The following WDFY2 variants were observed in gnomAD, a reference collection of about 807,000 sequenced individuals.
WDFY2 encodes WD repeat and FYVE domain-containing protein 2.
Under a neutral mutation model 56.4 loss-of-function variants are expected in WDFY2, and 36 were observed. That is an observed-to-expected ratio of 0.64 (90% CI 0.49 to 0.84). The LOEUF (loss-of-function observed/expected upper bound fraction) is 0.84. Among genes scored for constraint, WDFY2 ranks in the 40% least tolerant of loss-of-function variants. The probability of loss-of-function intolerance (pLI) is 0.00; values close to 1 mark genes in which losing one functional copy is unlikely to be tolerated. For missense variants in WDFY2, 444 were observed against 512.2 expected (o/e 0.87, Z 1.29); for synonymous variants, 176 against 183.7 (o/e 0.96, Z 0.34).
chr13:51,653,674 CA>C lies in WDFY2; in HGVS notation c.138-6921del, dbSNP rs553451669. 7.5e-3 allele frequency among the ~76,000 whole-genome samples: 1,139 copies of C among 152,340 alleles called. 10 individuals are homozygous for C. The highest frequency in any genetic ancestry group is 0.026 in the African/African-American group (1,097 of 41,576). ...GTTGGAGTTTGCCAGAGGTCCACTC[CA>C]GACCCTGTTTGCCTGGGTATCAGCA... is the stretch of plus-strand genomic sequence containing the variant. On this transcript the variant is annotated intron_variant, in intron 1 of 11. Transcript: ENST00000298125.
At chr13:51,728,581 A>G (rs1177841134) in intron 6 of WDFY2, among the ~76,000 whole-genome samples, 1 of 152,200 alleles carries the variant, frequency 6.6e-6, no homozygotes, top group African/African-American at 2.4e-5. Flanking sequence ...TAGATGTCAT[A>G]TAAGAAAAAA....
chr13:51,600,597 A>G (rs1566305459), intron 1 of WDFY2, among the ~76,000 whole-genome samples: 1 of 152,216 alleles, frequency 6.6e-6, no homozygotes, highest in Non-Finnish European at 1.5e-5. Flanking sequence ...TTCCTTGGGA[A>G]GGAACCTAGT....
At chr13:51,719,424 TG>T in intron 5 of WDFY2, 76 bp downstream of exon 5, 2 of 1,482,932 alleles carry the variant, frequency 1.3e-6, no homozygotes, top group Non-Finnish European at 9.0e-7. Flanking sequence ...TTTTGGGGTA[TG>T]TGCAGCTTGA....
At chr13:51,725,652 A>G (rs1348759163) in intron 5 of WDFY2, among the ~76,000 whole-genome samples, 2 of 151,628 alleles carry the variant, frequency 1.3e-5, no homozygotes, top group Non-Finnish European at 2.9e-5. Flanking sequence ...ATGTGTATGT[A>G]TATACATATG....
At chr13:51,689,828 T>A (rs1431153346) in intron 3 of WDFY2, among the ~76,000 whole-genome samples, 4 of 152,192 alleles carry the variant, frequency 2.6e-5, no homozygotes, top group Non-Finnish European at 5.9e-5. Context: ...AAATGAAGAT[T>A]AAGCAAAGCC....
At chr13:51,637,975 T>G (rs528928748) in intron 1 of WDFY2, among the ~76,000 whole-genome samples, 33 of 152,346 alleles carry the variant, frequency 2.2e-4, no homozygotes, top group African/African-American at 7.5e-4. Flanking sequence ...AATACCTAAC[T>G]TTCTGCGAAT....
intron 1 of WDFY2, among the ~76,000 whole-genome samples, chr13:51,650,579 A>G (rs1259498559): frequency 6.6e-6 from 1 of 152,202 alleles, no homozygotes; most frequent in African/African-American, 2.4e-5. Context: ...TTATTTTGAG[A>G]TACGTCCCAT....
intron 2 of WDFY2, among the ~76,000 whole-genome samples, chr13:51,665,471 C>T (rs1955683780): frequency 6.6e-6 from 1 of 152,174 alleles, no homozygotes; most frequent in Admixed American, 6.5e-5. Flanking sequence ...AGAGAAAAAT[C>T]ATGTAAAAAG....
At chr13:51,716,680 G>A (rs1349013674) in intron 4 of WDFY2, among the ~76,000 whole-genome samples, 8 of 116,436 alleles carry the variant, frequency 6.9e-5, no homozygotes, top group Admixed American at 1.1e-4. Context: ...GCGACAGAGC[G>A]AGACTCCGTC....
In WDFY2 at chr13:51,653,342, G is replaced by A. The variant is rs1955440896; in HGVS notation, c.138-7254G>A. Among the ~76,000 whole-genome samples the A allele has an allele frequency of 2.0e-5, 3 of 152,114 alleles. No individual in the cohort carries two copies. In the South Asian group the frequency reaches 6.2e-4, roughly 32 times the overall value. On this transcript the variant is annotated intron_variant, in intron 1 of 11. Transcript: ENST00000298125. The stretch of plus-strand genomic sequence containing the variant: ...TCAAGGTTTTTAACTTCTTTGCCAT[G>A]GGTTCGAACTTCCTCCTTTAGCTCG...
intron 5 of WDFY2, among the ~76,000 whole-genome samples, chr13:51,720,471 C>T (rs1299923881): frequency 1.3e-5 from 2 of 152,144 alleles, no homozygotes; most frequent in African/African-American, 4.8e-5. Flanking sequence ...AAACTCCAAA[C>T]TTTACTTTTT....
At chr13:51,614,367 G>A (rs140439502) in intron 1 of WDFY2, among the ~76,000 whole-genome samples, 37 of 152,258 alleles carry the variant, frequency 2.4e-4, no homozygotes, top group Middle Eastern at 3.4e-3. Context: ...TTGCTGCAAC[G>A]AACAGAAAAC....
chr13:51,735,051 A>G (rs1402886068), intron 6 of WDFY2, among the ~76,000 whole-genome samples: 1 of 152,220 alleles, frequency 6.6e-6, no homozygotes, highest in African/African-American at 2.4e-5. Context: ...AGAAAGAACT[A>G]TACAGTTCAT....
chr13:51,713,958 C>G (rs1401248043), intron 4 of WDFY2, among the ~76,000 whole-genome samples: 1 of 151,360 alleles, frequency 6.6e-6, no homozygotes, highest in Non-Finnish European at 1.5e-5. Context: ...TACCAAGGCC[C>G]AGGAGAGGGG....
At position 51,743,760 on chromosome 13, in the gene WDFY2, G is replaced by A. The variant is rs192276037; in HGVS notation, c.725+4585G>A. Among the ~76,000 whole-genome samples, 1,438 of 152,326 alleles carry A rather than the reference G, an allele frequency of 9.4e-3. 17 individuals are homozygous for A. Among genetic ancestry groups the A allele is most frequent in the South Asian group, 0.051 (248 of 4,830 alleles). On this transcript the variant is annotated intron_variant, in intron 7 of 11. Transcript: ENST00000298125. The stretch of plus-strand genomic sequence containing the variant: ...TATGAAAATAGGCAAAGGTGGCACC[G>A]TTCGCCAGTTTTACTGGAAAGTGGG...
In WDFY2 at chr13:51,677,376, T is replaced by A. The variant is rs376113798; in HGVS notation, c.279+2133T>A. ...GAAAGAGTTCTATGTTAGGGAAAGA[T>A]ACATTGAGAGAACAGCATGTTTAAG... On this transcript the variant is annotated intron_variant, in intron 3 of 11. Coordinates refer to ENST00000298125, the MANE Select transcript of WDFY2 (RefSeq NM_052950.4). Among the ~76,000 whole-genome samples the A allele has an allele frequency of 5.3e-5, 8 of 152,340 alleles. No individual in the cohort carries two copies. The South Asian group carries it at 1.4e-3, about 28-fold the overall frequency.
chr13:51,637,943 C>T (rs1566330439), intron 1 of WDFY2, among the ~76,000 whole-genome samples: 1 of 152,200 alleles, frequency 6.6e-6, no homozygotes, highest in Non-Finnish European at 1.5e-5. Flanking sequence ...GTTCTTTTAA[C>T]CGTAAACATC....
At position 51,738,473 on chromosome 13, in the gene WDFY2, G is replaced by T. The variant is rs143689736; in HGVS notation, c.599-576G>T. Reference sequence around the variant, plus strand: ...GTTTTCATTCTTAGTAATAGTCATAGTGGTCATGGTGTTACCATCATCTGC... The same window carrying T: ...GTTTTCATTCTTAGTAATAGTCATATTGGTCATGGTGTTACCATCATCTGC... On this transcript the variant is annotated intron_variant, in intron 6 of 11. Transcript: ENST00000298125. Among the ~76,000 whole-genome samples the T allele has an allele frequency of 1.7e-3, 256 of 152,312 alleles. 2 individuals are homozygous for T. Among genetic ancestry groups the T allele is most frequent in the African/African-American group, 4.5e-3 (187 of 41,560 alleles).
At chr13:51,718,368 T>C (rs927010174) in intron 4 of WDFY2, among the ~76,000 whole-genome samples, 1 of 152,172 alleles carries the variant, frequency 6.6e-6, no homozygotes, top group Non-Finnish European at 1.5e-5. Flanking sequence ...ATTTGGTAAC[T>C]GAGAAGCTGT....
Sources: gnomAD v4.1 joint callset for allele counts (sites outside exome capture counted in the v4.1 genomes callset) on GRCh38, gnomAD v4.1.1 for gene constraint, MANE v1.5 for transcripts, NCBI Gene and HGNC (gene_info 2026-07-23, HGNC 2026-07-21) for gene names.